OLA1: variants seen among roughly 807,000 people sequenced by gnomAD.
OLA1 encodes the protein obg-like ATPase 1.
A neutral mutation model predicts 48.4 loss-of-function variants in OLA1; 14 were observed. The observed-to-expected ratio is 0.29, with a 90% confidence interval of 0.19 to 0.45. The LOEUF (loss-of-function observed/expected upper bound fraction) is 0.45. OLA1 is among the 20% of genes least tolerant of loss of function. The probability of loss-of-function intolerance (pLI) is 1.00; values close to 1 mark genes in which losing one functional copy is unlikely to be tolerated. For synonymous variants in OLA1, 127 were observed against 150.4 expected (o/e 0.84, Z 1.14); for missense variants, 325 against 467.1 (o/e 0.70, Z 2.80).
intron 7 of OLA1, among the ~76,000 whole-genome samples, chr2:174,094,171 G>C (rs185034181): frequency 6.6e-6 from 1 of 152,306 alleles, no homozygotes; most frequent in African/African-American, 2.4e-5. Context: ...TTCTGAGACT[G>C]GCTGAAACTG....
chr2:174,192,292 C>CT (rs1194532391), intron 4 of OLA1, among the ~76,000 whole-genome samples: 1 of 152,146 alleles, frequency 6.6e-6, no homozygotes, highest in Admixed American at 6.5e-5. Flanking sequence ...GTGCATTATA[C>CT]TTATCAGTTA....
chr2:174,165,905 T>C (rs892754213), intron 4 of OLA1, among the ~76,000 whole-genome samples: 2 of 152,158 alleles, frequency 1.3e-5, no homozygotes, highest in African/African-American at 4.8e-5. Flanking sequence ...GCTGATCACT[T>C]GAGGTCAGGA....
intron 3 of OLA1, among the ~76,000 whole-genome samples, chr2:174,225,558 A>G (rs1688598929): frequency 6.6e-6 from 1 of 152,118 alleles, no homozygotes; most frequent in African/African-American, 2.4e-5. Context: ...TCAAAAAAAA[A>G]AGCTTTCTGA....
chr2:174,238,487 CTA>C, intron 2 of OLA1, among the ~76,000 whole-genome samples: 1 of 104,364 alleles, frequency 9.6e-6, no homozygotes, highest in Non-Finnish European at 1.9e-5. Context: ...GAGTGAGACT[CTA>C]TGTCCAAAAA....
intron 10 of OLA1, among the ~76,000 whole-genome samples, chr2:174,078,633 T>G (rs192358184): frequency 3.3e-5 from 5 of 152,100 alleles, no homozygotes; most frequent in African/African-American, 1.2e-4. Flanking sequence ...ATACTTCAGC[T>G]ATTCAAATGT....
intron 4 of OLA1, among the ~76,000 whole-genome samples, chr2:174,168,622 T>C (rs913708697): frequency 2.6e-5 from 4 of 151,854 alleles, no homozygotes; most frequent in African/African-American, 9.7e-5. Context: ...AAGTAAATTA[T>C]GCACACAATG....
intron 4 of OLA1, among the ~76,000 whole-genome samples, chr2:174,208,946 T>C (rs1688175371): frequency 6.6e-6 from 1 of 152,216 alleles, no homozygotes; most frequent in African/African-American, 2.4e-5. Flanking sequence ...TCTACGTCTT[T>C]CAAGTCTGTC....
chr2:174,178,047 A>C (rs2105411372), intron 4 of OLA1, among the ~76,000 whole-genome samples: 1 of 152,194 alleles, frequency 6.6e-6, no homozygotes, highest in South Asian at 2.1e-4. Context: ...TTTTTAAAAC[A>C]CTGAATTAAA....
chr2:174,246,884 C>T (rs745611320), intron 1 of OLA1, 69 bp from the exon 2 acceptor site: 3 of 834,638 alleles, frequency 3.6e-6, no homozygotes, highest in Non-Finnish European at 6.0e-6. Flanking sequence ...CACATTTCAT[C>T]ACATACAATA....
chr2:174,247,617 T>G (rs1029833564), intron 1 of OLA1: 1 of 1,549,116 alleles, frequency 6.5e-7, no homozygotes, highest in South Asian at 1.2e-5. Flanking sequence ...ATCTGGAATC[T>G]TATCTTTCCC....
chr2:174,119,956 A>C (rs111816679), intron 7 of OLA1, among the ~76,000 whole-genome samples: 16 of 149,544 alleles, frequency 1.1e-4, no homozygotes, highest in African/African-American at 1.2e-4. Context: ...CACACACACA[A>C]ACACACACAC....
At chr2:174,076,925 A>T (rs1684751195) in intron 10 of OLA1, among the ~76,000 whole-genome samples, 2 of 152,124 alleles carry the variant, frequency 1.3e-5, no homozygotes, top group African/African-American at 4.8e-5. Flanking sequence ...TTATAAAACT[A>T]TATAGACAAT....
intron 7 of OLA1, 140 bp downstream of exon 7, chr2:174,123,040 C>T (rs1410200317): frequency 1.8e-6 from 1 of 546,330 alleles, no homozygotes; most frequent in African/African-American, 2.0e-5. Context: ...CCAAGCACAG[C>T]TTTCTCATCC....
At chr2:174,207,980 A>G (rs1688155295) in intron 4 of OLA1, among the ~76,000 whole-genome samples, 1 of 152,208 alleles carries the variant, frequency 6.6e-6, no homozygotes, top group East Asian at 1.9e-4. Context: ...ATCTCCCTAC[A>G]TATAGCGAGG....
intron 4 of OLA1, among the ~76,000 whole-genome samples, chr2:174,166,049 C>A (rs1485452912): frequency 6.6e-6 from 1 of 151,686 alleles, no homozygotes; most frequent in Non-Finnish European, 1.5e-5. Context: ...TCGCTTGAAC[C>A]CGGGAGGCAG....
intron 7 of OLA1, among the ~76,000 whole-genome samples, chr2:174,110,683 G>A (rs1169974897): frequency 2.0e-5 from 3 of 152,152 alleles, no homozygotes; most frequent in African/African-American, 7.2e-5. Context: ...CTGGGCTCAA[G>A]TGATCTTCCC....
chr2:174,154,047 T>G (rs781505997), intron 4 of OLA1, among the ~76,000 whole-genome samples: 19 of 152,220 alleles, frequency 1.2e-4, no homozygotes, highest in Middle Eastern at 6.8e-3. Context: ...TTTTGTTTGT[T>G]TTCAGTAGAC....
chr2:174,095,345 T>TG (rs1685228635), intron 7 of OLA1, among the ~76,000 whole-genome samples: 5 of 126,470 alleles, frequency 4.0e-5, no homozygotes, highest in South Asian at 2.5e-4. Context: ...TTTTTTTTTT[T>TG]TTTTGTTGTT....
chr2:174,146,635 G>A (rs1171675152), intron 4 of OLA1, among the ~76,000 whole-genome samples: 1 of 152,220 alleles, frequency 6.6e-6, no homozygotes, highest in East Asian at 1.9e-4. Flanking sequence ...GCAAGAGACT[G>A]AGAAGGACTG....
Sources: gnomAD v4.1 joint callset for allele counts (sites outside exome capture counted in the v4.1 genomes callset) on GRCh38, gnomAD v4.1.1 for gene constraint, MANE v1.5 for transcripts, NCBI Gene and HGNC (gene_info 2026-07-23, HGNC 2026-07-21) for gene names.